The following GM2A variants were observed in gnomAD, a reference collection of about 807,000 sequenced individuals.
The protein encoded by GM2A is ganglioside GM2 activator.
GM2A carries 7 observed loss-of-function variants against 12.9 expected under a neutral mutation model. That is an observed-to-expected ratio of 0.54 (90% CI 0.31 to 1.02). The LOEUF (loss-of-function observed/expected upper bound fraction) is 1.02, where lower values mean the gene tolerates loss of function less well. GM2A is among the 50% of genes least tolerant of loss of function. The pLI is 0.05. For synonymous variants in GM2A, 101 were observed against 96.0 expected (o/e 1.05, Z -0.30); for missense variants, 246 against 241.0 (o/e 1.02, Z -0.14).
rs1489309625 is a variant in GM2A at position 151,262,893 on chromosome 5, G to A, written c.243+2977G>A. Among the ~76,000 whole-genome samples the A allele has an allele frequency of 5.9e-5, 9 of 152,188 alleles. No homozygotes were observed. In the East Asian group the frequency reaches 9.7e-4, roughly 16 times the overall value. On this transcript the variant is annotated intron_variant, in intron 2 of 3. Coordinates refer to ENST00000357164, the MANE Select transcript of GM2A (RefSeq NM_000405.5). ...TTGGAAACAAGAAGCTGGCAAACCCGCTCTTCTGCCCTCAGCCTGCTTTTC... is the reference window on the plus strand; with the variant it reads ...TTGGAAACAAGAAGCTGGCAAACCCACTCTTCTGCCCTCAGCCTGCTTTTC...
intron 1 of GM2A, among the ~76,000 whole-genome samples, chr5:151,254,562 A>G (rs1248395454): frequency 6.6e-6 from 1 of 152,226 alleles, no homozygotes; most frequent in Non-Finnish European, 1.5e-5. Flanking sequence ...TATCGTCAGT[A>G]ATGTATTATA....
In GM2A at chr5:151,269,901, C is replaced by T. The variant is rs1218146594; in HGVS notation, c.*2450C>T. ...ACTGTTGTTGGTGAATTCTTTTTAC[C>T]AACCCACGAGTTGACCACTTCCCAA... On this transcript the variant is annotated 3_prime_UTR_variant, in exon 4 of 4. Transcript: ENST00000357164. 3.6e-5 allele frequency: 35 copies of T among 981,242 alleles called. No individual in the cohort carries two copies. Among genetic ancestry groups the T allele is most frequent in the Non-Finnish European group, 4.4e-5 (34 of 781,550 alleles). 60.8% of individuals were successfully genotyped at this position (981,242 alleles called of 1,614,324 possible).
chr5:151,253,242 T>G lies in GM2A; in HGVS notation c.26T>G (p.Leu9Arg). 1 of 1,614,010 alleles carries G rather than the reference T, an allele frequency of 6.2e-7. No individual in the cohort carries two copies. Among genetic ancestry groups the G allele is most frequent in the Non-Finnish European group, 8.5e-7 (1 of 1,179,928 alleles). The stretch of plus-strand genomic sequence containing the variant: ...ATGCAGTCCCTGATGCAGGCTCCCC[T>G]CCTGATCGCCCTGGGCTTGCTTCTC... MQSLMQAP[L>R]LIALGLLLAA... Residue 9 changes from leucine (L) to arginine (R), a missense_variant, in exon 1 of 4, where the codon CTC becomes CGC. By Grantham distance (102) the Leu-to-Arg change is moderately radical (BLOSUM62 -2). Transcript: ENST00000357164.
rs1479485726 is a variant in GM2A, at chr5:151,268,327, G to T, written c.*876G>T. The T allele has an allele frequency of 2.4e-6, 1 of 415,388 alleles. No homozygotes were observed. The highest frequency in any genetic ancestry group is 3.2e-6 in the Non-Finnish European group (1 of 309,470). The allele number at this position is 415,388 out of a possible 1,614,324, so 25.7% of individuals were successfully genotyped here. On this transcript the variant is annotated 3_prime_UTR_variant, in exon 4 of 4. Transcript: ENST00000357164. ...CTGCCACCACGCCCGGCTAATTTGTGTATTTTTAGTAGAGATGGGGTTTCA... is the reference window on the plus strand; with the variant it reads ...CTGCCACCACGCCCGGCTAATTTGTTTATTTTTAGTAGAGATGGGGTTTCA...
At chr5:151,256,727 A>G (rs766388253) in intron 1 of GM2A, among the ~76,000 whole-genome samples, 4 of 152,150 alleles carry the variant, frequency 2.6e-5, no homozygotes, top group Non-Finnish European at 5.9e-5. Flanking sequence ...AACCAACATT[A>G]GTACATTACT....
chr5:151,256,250 T>C (rs1753682594), intron 1 of GM2A, among the ~76,000 whole-genome samples: 1 of 152,218 alleles, frequency 6.6e-6, no homozygotes, highest in Admixed American at 6.5e-5. Context: ...CTATGTGCTA[T>C]GTACTGGGCT....
chr5:151,263,340 G>A (rs1036671231), intron 2 of GM2A, among the ~76,000 whole-genome samples: 1 of 151,656 alleles, frequency 6.6e-6, no homozygotes, highest in African/African-American at 2.4e-5. Flanking sequence ...AAAGTGCTGG[G>A]ATTACAGGCG....
rs1753980774 is a variant in GM2A at position 151,270,122 on chromosome 5, G to T, written c.*2671G>T. The T allele has an allele frequency of 4.0e-5, 49 of 1,231,178 alleles. No homozygotes were observed. Among genetic ancestry groups the T allele is most frequent in the Non-Finnish European group, 4.7e-5 (46 of 987,722 alleles). The allele number at this position is 1,231,178 out of a possible 1,614,324, so 76.3% of individuals were successfully genotyped here. A position where few individuals can be genotyped will look rare whatever the true frequency, so the allele number is the denominator to read the frequency against. ...AGGTTTCTTAGGGGTGGGGGATGAG[G>T]AGTTAAAGGTGGCATCTTCAATCGC... On this transcript the variant is annotated 3_prime_UTR_variant, in exon 4 of 4. Coordinates refer to ENST00000357164, the MANE Select transcript of GM2A (RefSeq NM_000405.5).
intron 2 of GM2A, among the ~76,000 whole-genome samples, chr5:151,262,712 T>C (rs1439304544): frequency 6.6e-6 from 1 of 152,342 alleles, no homozygotes; most frequent in South Asian, 2.1e-4. Flanking sequence ...GTATGGACAC[T>C]GGACTGTTTC....
In GM2A at chr5:151,269,119, A is replaced by C; in HGVS notation, c.*1668A>C. 1.0e-6 allele frequency: 1 copy of C among 985,486 alleles called. No homozygotes were observed. The highest frequency in any genetic ancestry group is 1.2e-6 in the Non-Finnish European group (1 of 829,956). 61.0% of individuals were successfully genotyped at this position (985,486 alleles called of 1,614,324 possible). ...CCAAGGAAGAGAGGGTGGCCTCGAC[A>C]TCAAACTGCCTGGATTTTTCTACCA... is the stretch of plus-strand genomic sequence containing the variant. On this transcript the variant is annotated 3_prime_UTR_variant, in exon 4 of 4. Transcript: ENST00000357164.
chr5:151,264,771 G>A (rs1753854365), intron 2 of GM2A, among the ~76,000 whole-genome samples: 1 of 152,130 alleles, frequency 6.6e-6, no homozygotes, highest in African/African-American at 2.4e-5. Flanking sequence ...TTTGAAGTCA[G>A]GAGTTTGAGA....
rs371628812 is a variant in GM2A, at chr5:151,253,210, C to G, written c.-7C>G. On this transcript the variant is annotated 5_prime_UTR_variant, in exon 1 of 4. Transcript: ENST00000357164. ...GCAGTTAACTCCGCCCTGACCCACCCTTCCCGATGCAGTCCCTGATGCAGG... is the reference window on the plus strand; with the variant it reads ...GCAGTTAACTCCGCCCTGACCCACCGTTCCCGATGCAGTCCCTGATGCAGG... 1.2e-6 allele frequency: 2 copies of G among 1,612,782 alleles called. No homozygotes were observed. The highest frequency in any genetic ancestry group is 3.3e-5 in the Admixed American group (2 of 60,034).
At chr5:151,262,261 C>T (rs1029313855) in intron 2 of GM2A, among the ~76,000 whole-genome samples, 1 of 152,228 alleles carries the variant, frequency 6.6e-6, no homozygotes, top group African/African-American at 2.4e-5. Flanking sequence ...TGATGCTCCT[C>T]TATGCCCTTC....
Position 151,256,344 on chromosome 5 carries a change from A to G in GM2A, c.81+3047A>G, listed in dbSNP as rs557691186. On this transcript the variant is annotated intron_variant, in intron 1 of 3. Transcript: ENST00000357164. ...GCAGGGCGTGGTGGTTCACCCCTATAATCCAGCACTGTGGGAGACCAAGGC... is the reference window on the plus strand; with the variant it reads ...GCAGGGCGTGGTGGTTCACCCCTATGATCCAGCACTGTGGGAGACCAAGGC... Among the ~76,000 whole-genome samples the G allele has an allele frequency of 1.8e-4, 27 of 152,330 alleles. No homozygotes were observed. In the South Asian group the frequency reaches 5.4e-3, roughly 30 times the overall value.
In GM2A at chr5:151,268,834, G is replaced by A. The variant is rs992578142; in HGVS notation, c.*1383G>A. 2.7e-5 allele frequency: 27 copies of A among 984,596 alleles called. No individual in the cohort carries two copies. Among genetic ancestry groups the A allele is most frequent in the Admixed American group, 6.1e-5 (1 of 16,270 alleles). 61.0% of individuals were successfully genotyped at this position (984,596 alleles called of 1,614,324 possible). A position where few individuals can be genotyped will look rare whatever the true frequency, so the allele number is the denominator to read the frequency against. On this transcript the variant is annotated 3_prime_UTR_variant, in exon 4 of 4. Transcript: ENST00000357164. ...AACGGACTGGCTCATGGGTGGCCAC[G>A]TCACAACCTCTGATCTCAGACCGTG...
At position 151,268,732 on chromosome 5, in the gene GM2A, G is replaced by A; in HGVS notation, c.*1281G>A. The A allele has an allele frequency of 8.5e-6, 5 of 590,542 alleles. No homozygotes were observed. Among genetic ancestry groups the A allele is most frequent in the Non-Finnish European group, 8.5e-6 (4 of 469,322 alleles). The allele number at this position is 590,542 out of a possible 1,614,324, so 36.6% of individuals were successfully genotyped here. On this transcript the variant is annotated 3_prime_UTR_variant, in exon 4 of 4. Coordinates refer to ENST00000357164, the MANE Select transcript of GM2A (RefSeq NM_000405.5). The stretch of plus-strand genomic sequence containing the variant: ...CTAGAGAAGCCAAAAATCCAGATTT[G>A]TATATGAAATCTTACCATTTTAAAA...
rs755584488 is a variant in GM2A at position 151,253,195 on chromosome 5, C to G, written c.-22C>G. 6.3e-7 allele frequency: 1 copy of G among 1,599,336 alleles called. No individual in the cohort carries two copies. The highest frequency in any genetic ancestry group is 8.6e-7 in the Non-Finnish European group (1 of 1,166,464). On this transcript the variant is annotated 5_prime_UTR_variant, in exon 1 of 4. Transcript: ENST00000357164. ...GCCGCCACAGACCTTGCAGTTAACT[C>G]CGCCCTGACCCACCCTTCCCGATGC...
chr5:151,267,893 T>C lies in GM2A; in HGVS notation c.*442T>C, dbSNP rs1753925942. ...GTTCTCCTCCGGCCCCCTGTTACAA[T>C]GAAGGGGCAAAAGTATTTGCTCTTA... On this transcript the variant is annotated 3_prime_UTR_variant, in exon 4 of 4. Transcript: ENST00000357164. 2 of 1,146,992 alleles carry C rather than the reference T, an allele frequency of 1.7e-6. No homozygotes were observed. The highest frequency in any genetic ancestry group is 2.2e-6 in the Non-Finnish European group (2 of 922,494). 71.1% of individuals were successfully genotyped at this position (1,146,992 alleles called of 1,614,324 possible). A position where few individuals can be genotyped will look rare whatever the true frequency, so the allele number is the denominator to read the frequency against.
In GM2A at chr5:151,267,947, A is replaced by G. The variant is rs1416801246; in HGVS notation, c.*496A>G. On this transcript the variant is annotated 3_prime_UTR_variant, in exon 4 of 4. Coordinates refer to ENST00000357164, the MANE Select transcript of GM2A (RefSeq NM_000405.5). ...TATTCCTCCCTTAACTTCTGTGACT[A>G]ATTTTTATTTCCTTTCTAGATTTGC... 1 of 1,118,148 alleles carries G rather than the reference A, an allele frequency of 8.9e-7. No individual in the cohort carries two copies. Among genetic ancestry groups the G allele is most frequent in the Non-Finnish European group, 1.1e-6 (1 of 908,342 alleles). The allele number at this position is 1,118,148 out of a possible 1,614,324, so 69.3% of individuals were successfully genotyped here.
Sources: allele counts gnomAD v4.1 joint callset (sites outside exome capture counted in the v4.1 genomes callset), GRCh38; gene constraint gnomAD v4.1.1; transcripts MANE v1.5; gene names NCBI Gene and HGNC (gene_info 2026-07-23, HGNC 2026-07-21).